The following EHD3 variants were observed in gnomAD, a reference collection of about 807,000 sequenced individuals.
EHD3 encodes the protein EH domain-containing protein 3.
Under a neutral mutation model 43.0 loss-of-function variants are expected in EHD3, and 17 were observed. The observed-to-expected ratio is 0.40, with a 90% CI of 0.27 to 0.59. The LOEUF (loss-of-function observed/expected upper bound fraction) is 0.59. Among genes scored for constraint, EHD3 ranks in the 20% least tolerant of loss-of-function variants. The pLI, the probability that EHD3 is intolerant of heterozygous loss-of-function variation, is 0.49. For synonymous variants in EHD3, 313 were observed against 289.5 expected (o/e 1.08, Z -0.82); for missense variants, 594 against 705.6 (o/e 0.84, Z 1.79).
At chr2:31,244,014 C>A (rs894391064) in intron 1 of EHD3, among the ~76,000 whole-genome samples, 1 of 152,026 alleles carries the variant, frequency 6.6e-6, no homozygotes, top group Non-Finnish European at 1.5e-5. Flanking sequence ...CTTCTACCCC[C>A]GCCCACCAGC....
rs1684004525 is a variant in EHD3, at chr2:31,268,912, T to G, written c.*2208T>G. 1 of 152,344 alleles carries G rather than the reference T, an allele frequency of 6.6e-6. No homozygotes were observed. Among genetic ancestry groups the G allele is most frequent in the South Asian group, 2.1e-4 (1 of 4,832 alleles). 9.4% of individuals were successfully genotyped at this position (152,344 alleles called of 1,614,324 possible). A position where few individuals can be genotyped will look rare whatever the true frequency, so the allele number is the denominator to read the frequency against. ...GACACACATGCCACTTTCCTGCCCT[T>G]CTACATATGCTGCCTCTCTTCCCTC... On this transcript the variant is annotated 3_prime_UTR_variant, in exon 6 of 6. Coordinates refer to ENST00000322054, the MANE Select transcript of EHD3 (RefSeq NM_014600.3).
In EHD3 at chr2:31,266,231, C is replaced by T. The variant is rs147087074; in HGVS notation, c.1135C>T (p.Leu379=). 9.8e-4 allele frequency: 1,579 copies of T among 1,614,140 alleles called. No individual in the cohort carries two copies. The highest frequency in any genetic ancestry group is 1.3e-3 in the Non-Finnish European group (1,512 of 1,179,984). ...GTTCCAGCCGCTGAAGAGCAAGCTGCTGGAGGTAGTGGACGACATGCTGGC... is the reference window on the plus strand; with the variant it reads ...GTTCCAGCCGCTGAAGAGCAAGCTGTTGGAGGTAGTGGACGACATGCTGGC... ...SKFQPLKSKL[L]EVVDDMLAHD... is the part of the protein sequence containing the mutation. The change falls in exon 6 of 6, where the codon CTG becomes TTG. Residue 379 remains leucine, a synonymous_variant. Transcript: ENST00000322054. This position sits in a 1 kb window ranked among gnomAD's most constrained non-coding sequence, Gnocchi z 5.1.
chr2:31,249,669 A>G (rs1009425325), intron 3 of EHD3, among the ~76,000 whole-genome samples: 1 of 152,154 alleles, frequency 6.6e-6, no homozygotes, highest in Non-Finnish European at 1.5e-5. Flanking sequence ...ATTCAGGTCC[A>G]CCGTAGCTCA....
Position 31,234,368 on chromosome 2 carries a change from C to T in EHD3, c.-254C>T. 1 of 523,984 alleles carries T rather than the reference C, an allele frequency of 1.9e-6. No homozygotes were observed. The highest frequency in any genetic ancestry group is 2.1e-5 in the South Asian group (1 of 47,912). The allele number at this position is 523,984 out of a possible 1,614,324, so 32.5% of individuals were successfully genotyped here. A position where few individuals can be genotyped will look rare whatever the true frequency, so the allele number is the denominator to read the frequency against. On this transcript the variant is annotated 5_prime_UTR_variant, in exon 1 of 6. Transcript: ENST00000322054. ...AATTGCCAAGATTTCACCCCTCCTCCTCAAGCCCAGATTATTTATCCTCCC... is the reference window on the plus strand; with the variant it reads ...AATTGCCAAGATTTCACCCCTCCTCTTCAAGCCCAGATTATTTATCCTCCC...
At position 31,234,711 on chromosome 2, in the gene EHD3, G is replaced by C. The variant is rs200106674; in HGVS notation, c.90G>C (p.Lys30Asn). ...GTGAGGGGCTCAAGAAACTCTACAA[G>C]AGCAAGCTGCTGCCCTTGGAAGAGC... ...TVSEGLKKLY[K>N]SKLLPLEEHY... Residue 30 changes from lysine to asparagine, a missense_variant, in exon 1 of 6, where the codon AAG (lysine) becomes AAC (asparagine). Lys to Asn is a moderately conservative substitution (Grantham distance 94). Around this residue, in one of 3 missense-constraint regions of EHD3, gnomAD observed 243 missense variants for 296.7 expected, o/e 0.82. Transcript: ENST00000322054. 2.2e-5 allele frequency: 35 copies of C among 1,614,208 alleles called. No individual in the cohort carries two copies. Among genetic ancestry groups the C allele is most frequent in the Admixed American group, 2.2e-4 (13 of 60,034 alleles).
chr2:31,256,452 A>G (rs961226705), intron 3 of EHD3, among the ~76,000 whole-genome samples: 1 of 152,192 alleles, frequency 6.6e-6, no homozygotes, highest in African/African-American at 2.4e-5. Flanking sequence ...ACTTCCGTTC[A>G]GCAAATACTG....
intron 2 of EHD3, among the ~76,000 whole-genome samples, chr2:31,245,735 G>GTTT (rs765195110): frequency 0.013 from 920 of 68,190 alleles, 56 homozygotes; most frequent in African/African-American, 0.045. Flanking sequence ...CTAATTTTGT[G>GTTT]TTTTTTTTTT....
At chr2:31,242,277 T>G (rs1026461835) in intron 1 of EHD3, among the ~76,000 whole-genome samples, 1 of 152,208 alleles carries the variant, frequency 6.6e-6, no homozygotes, top group Non-Finnish European at 1.5e-5. Context: ...CCTGTGCACA[T>G]TACAACATCC....
intron 5 of EHD3, among the ~76,000 whole-genome samples, chr2:31,262,280 C>G (rs1683871923): frequency 1.3e-5 from 2 of 152,314 alleles, no homozygotes; most frequent in African/African-American, 2.4e-5. Flanking sequence ...TGCCTTTTTA[C>G]AGAAGAAACA....
chr2:31,260,833 C>G lies in EHD3; in HGVS notation c.826C>G (p.Gln276Glu). 6 of 1,614,216 alleles carry G rather than the reference C, an allele frequency of 3.7e-6. No individual in the cohort carries two copies. The highest frequency in any genetic ancestry group is 5.1e-6 in the Non-Finnish European group (6 of 1,180,046). ...DNRKLFEAEEQDLFRDIQSLP... is the reference protein window; with the variant it reads ...DNRKLFEAEEEDLFRDIQSLP... ...CCGGAAGCTCTTTGAGGCTGAGGAA[C>G]AGGACCTATTCAGGGACATCCAGAG... is the stretch of plus-strand genomic sequence containing the variant. The change falls in exon 4 of 6, where the codon CAG becomes GAG. Residue 276 changes from glutamine (Q) to glutamate (E), a missense_variant. By Grantham distance (29) the Gln-to-Glu change is conservative (BLOSUM62 2). This residue lies in a region of EHD3 where 322 missense variants were observed against 348.0 expected (regional missense o/e 0.93). Transcript: ENST00000322054. This position sits in a 1 kb window ranked among gnomAD's most constrained non-coding sequence, Gnocchi z 4.6.
At chr2:31,241,429 T>G (rs1683422142) in intron 1 of EHD3, among the ~76,000 whole-genome samples, 1 of 152,182 alleles carries the variant, frequency 6.6e-6, no homozygotes, top group Non-Finnish European at 1.5e-5. Flanking sequence ...GGCACCTTTA[T>G]CTCCTCCTCC....
chr2:31,247,251 A>T (rs1683545484), intron 2 of EHD3, among the ~76,000 whole-genome samples: 1 of 152,112 alleles, frequency 6.6e-6, no homozygotes, highest in African/African-American at 2.4e-5. Context: ...AGAGAAGAGG[A>T]ACACCTTCCT....
chr2:31,240,149 C>G (rs1391909925), intron 1 of EHD3, among the ~76,000 whole-genome samples: 1 of 152,174 alleles, frequency 6.6e-6, no homozygotes, highest in Non-Finnish European at 1.5e-5. Flanking sequence ...CATCCACTTT[C>G]TCGCTTGTGT....
At chr2:31,265,225 T>G (rs1558653371) in intron 5 of EHD3, among the ~76,000 whole-genome samples, 1 of 152,188 alleles carries the variant, frequency 6.6e-6, no homozygotes. Context: ...AAAATAACAA[T>G]AAAAAGTACA....
At chr2:31,258,070 G>A (rs1306992624) in intron 3 of EHD3, among the ~76,000 whole-genome samples, 1 of 152,190 alleles carries the variant, frequency 6.6e-6, no homozygotes, top group African/African-American at 2.4e-5. Flanking sequence ...AGGCTCAGGT[G>A]TTAGTTGAGC....
Position 31,249,387 on chromosome 2 carries a change from C to G in EHD3, c.421C>G (p.Leu141Val). 5 of 1,614,140 alleles carry G rather than the reference C, an allele frequency of 3.1e-6. No individual in the cohort carries two copies. The highest frequency in any genetic ancestry group is 4.2e-6 in the Non-Finnish European group (5 of 1,179,970). ...AFLNRFVCAQLPNPVLESISV... is the reference protein window; with the variant it reads ...AFLNRFVCAQVPNPVLESISV... ...CCCATGCAGGTTCGTGTGTGCCCAG[C>G]TACCTAACCCTGTGCTGGAGAGCAT... Residue 141 changes from leucine to valine, a missense_variant, in exon 3 of 6, where the codon CTA (leucine) becomes GTA (valine). Around this residue, in one of 3 missense-constraint regions of EHD3, gnomAD observed 243 missense variants for 296.7 expected, o/e 0.82. Coordinates refer to ENST00000322054, the MANE Select transcript of EHD3 (RefSeq NM_014600.3).
At chr2:31,261,814 A>G in intron 5 of EHD3, 101 bp downstream of exon 5, 2 of 1,408,856 alleles carry the variant, frequency 1.4e-6, no homozygotes, top group Non-Finnish European at 1.9e-6. Flanking sequence ...CCCAGGGAGA[A>G]CCCCGCCCAG....
Position 31,266,224 on chromosome 2 carries a change from C to T in EHD3, c.1128C>T (p.Ser376=). 6.2e-7 allele frequency: 1 copy of T among 1,613,774 alleles called. No individual in the cohort carries two copies. The highest frequency in any genetic ancestry group is 1.1e-5 in the South Asian group (1 of 91,066). Residue 376 remains serine (S), a synonymous_variant, in exon 6 of 6, where the codon AGC becomes AGT. Coordinates refer to ENST00000322054, the MANE Select transcript of EHD3 (RefSeq NM_014600.3). This position sits in a 1 kb window ranked among gnomAD's most constrained non-coding sequence, Gnocchi z 5.1. ...TTAGCAAGTTCCAGCCGCTGAAGAG[C>T]AAGCTGCTGGAGGTAGTGGACGACA... ...QDFSKFQPLK[S]KLLEVVDDML...
In EHD3 at chr2:31,266,380, G is replaced by A; in HGVS notation, c.1284G>A (p.Glu428=). The change falls in exon 6 of 6, where the codon GAG becomes GAA. Residue 428 remains glutamate, a synonymous_variant. Transcript: ENST00000322054. This position sits in a 1 kb window ranked among gnomAD's most constrained non-coding sequence, Gnocchi z 5.1. ...LHGPFGHGYG[E]GAGEGIDDAE... is the part of the protein sequence containing the mutation. ...GCCCCTTTGGGCATGGCTATGGGGA[G>A]GGGGCTGGAGAAGGTATCGATGATG... 6.2e-7 allele frequency: 1 copy of A among 1,614,152 alleles called. No homozygotes were observed. The highest frequency in any genetic ancestry group is 8.5e-7 in the Non-Finnish European group (1 of 1,180,000).
Sources: gnomAD v4.1 joint callset for allele counts (sites outside exome capture counted in the v4.1 genomes callset) on GRCh38, gnomAD v4.1.1 for gene constraint, gnomAD v4.1.1 regional missense constraint, Gnocchi (gnomAD v3.1) non-coding constraint, MANE v1.5 for transcripts, NCBI Gene and HGNC (gene_info 2026-07-23, HGNC 2026-07-21) for gene names.